Variants in ASAP1 observed in about 807,000 individuals in gnomAD.
ASAP1 encodes the protein arf-GAP with SH3 domain, ANK repeat and PH domain-containing protein 1.
A neutral mutation model predicts 145.2 loss-of-function variants in ASAP1; 43 were observed. The observed-to-expected ratio is 0.30, with a 90% confidence interval of 0.23 to 0.38. The LOEUF (loss-of-function observed/expected upper bound fraction) is 0.38. Ranked by LOEUF, ASAP1 falls within the 10% of genes least tolerant of loss-of-function variation. ASAP1 has a pLI of 1.00. For synonymous variants in ASAP1, 546 were observed against 515.5 expected, an observed-to-expected ratio of 1.06 and a Z score of -0.80; for missense variants, 1,018 against 1,355.3, an observed-to-expected ratio of 0.75 and a Z score of 3.91.
chr8:130,244,297 C>T (rs1469801271), intron 3 of ASAP1, among the ~76,000 whole-genome samples: 1 of 152,130 alleles, frequency 6.6e-6, no homozygotes, highest in African/African-American at 2.4e-5. Context: ...GGCCTGAGTA[C>T]TATGTGAATA....
At chr8:130,309,861 CA>C (rs1485155168) in intron 3 of ASAP1, among the ~76,000 whole-genome samples, 1 of 152,148 alleles carries the variant, frequency 6.6e-6, no homozygotes, top group Non-Finnish European at 1.5e-5. Context: ...ACTGACCAAG[CA>C]AATTTCCTAG....
rs769841701 is a variant in ASAP1 at position 130,118,116 on chromosome 8, A to T, written c.1880+45T>A. The T allele has an allele frequency of 2.0e-6, 3 of 1,528,454 alleles. No individual in the cohort carries two copies. The Admixed American group carries it at 5.1e-5, about 26-fold the overall frequency. 94.7% of individuals were successfully genotyped at this position (1,528,454 alleles called of 1,614,324 possible). ...TGATAGGACTGGTTTGTGTTAATTT[A>T]TAAGGCATATTCAGGTAATTCAACA... On this transcript the variant is annotated intron_variant, in intron 20 of 29. Coordinates refer to ENST00000518721, the MANE Select transcript of ASAP1 (RefSeq NM_018482.4).
At chr8:130,221,145 G>A (rs1817271694) in intron 4 of ASAP1, among the ~76,000 whole-genome samples, 1 of 152,078 alleles carries the variant, frequency 6.6e-6, no homozygotes, top group Non-Finnish European at 1.5e-5. Context: ...GAGGCAGGAG[G>A]CTTGCTGGAG....
intron 15 of ASAP1, among the ~76,000 whole-genome samples, chr8:130,130,199 A>T (rs866827781): frequency 6.6e-6 from 1 of 152,242 alleles, no homozygotes; most frequent in African/African-American, 2.4e-5. Flanking sequence ...AGGGATACTC[A>T]ACCTGTAGAA....
chr8:130,145,413 G>T (rs2097626311), intron 13 of ASAP1, among the ~76,000 whole-genome samples: 1 of 152,088 alleles, frequency 6.6e-6, no homozygotes. Flanking sequence ...TGCCTCCTGG[G>T]TTCAAGCGAT....
At chr8:130,063,332 C>A (rs1025609891) in intron 27 of ASAP1, among the ~76,000 whole-genome samples, 1 of 152,144 alleles carries the variant, frequency 6.6e-6, no homozygotes, top group African/African-American at 2.4e-5. Context: ...TATGTACCAC[C>A]GCACTCAGCT....
At chr8:130,175,446 G>A (rs931748760) in intron 9 of ASAP1, among the ~76,000 whole-genome samples, 4 of 151,986 alleles carry the variant, frequency 2.6e-5, no homozygotes, top group Non-Finnish European at 5.9e-5. Flanking sequence ...GGCTGGTCTC[G>A]AACTCCTGGG....
chr8:130,180,744 T>C lies in ASAP1; in HGVS notation c.660+7A>G, dbSNP rs1814297743. 1 of 1,602,820 alleles carries C rather than the reference T, an allele frequency of 6.2e-7. No individual in the cohort carries two copies. The highest frequency in any genetic ancestry group is 2.2e-5 in the East Asian group (1 of 44,830). Reference sequence around the variant, plus strand: ...TCTAGGCAAATGGTGGAAAAGTCCATTCTTACTTCACACATTTGGAGCTGA... The same window carrying C: ...TCTAGGCAAATGGTGGAAAAGTCCACTCTTACTTCACACATTTGGAGCTGA... On this transcript the variant is annotated splice_region_variant and intron_variant, in intron 8 of 29. Coordinates refer to ENST00000518721, the MANE Select transcript of ASAP1 (RefSeq NM_018482.4).
intron 5 of ASAP1, among the ~76,000 whole-genome samples, chr8:130,207,882 G>T (rs764477033): frequency 6.6e-6 from 1 of 152,122 alleles, no homozygotes; most frequent in East Asian, 1.9e-4. Context: ...ATTAGAGGAA[G>T]AAATTAGAAA....
At chr8:130,087,435 G>C (rs2097496050) in intron 25 of ASAP1, among the ~76,000 whole-genome samples, 1 of 152,100 alleles carries the variant, frequency 6.6e-6, no homozygotes, top group Non-Finnish European at 1.5e-5. Context: ...CAGGAGAATT[G>C]CTTGAACCCA....
intron 1 of ASAP1, among the ~76,000 whole-genome samples, chr8:130,412,545 A>G (rs1016844632): frequency 1.3e-5 from 2 of 152,116 alleles, no homozygotes; most frequent in African/African-American, 2.4e-5. Flanking sequence ...CCATGAGCCA[A>G]TTAAACCTCT....
At chr8:130,243,601 C>A (rs1214325756) in intron 3 of ASAP1, among the ~76,000 whole-genome samples, 2 of 152,194 alleles carry the variant, frequency 1.3e-5, no homozygotes, top group African/African-American at 2.4e-5. Context: ...TATGTTCCAG[C>A]CACACCTACA....
Position 130,213,895 on chromosome 8 carries a change from G to A in ASAP1, c.405+661C>T, listed in dbSNP as rs529955891. Among the ~76,000 whole-genome samples, 12 of 152,234 alleles carry A rather than the reference G, an allele frequency of 7.9e-5. No homozygotes were observed. The South Asian group carries it at 2.5e-3, about 32-fold the overall frequency. On this transcript the variant is annotated intron_variant, in intron 5 of 29. Coordinates refer to ENST00000518721, the MANE Select transcript of ASAP1 (RefSeq NM_018482.4). ...GCACAACATGGGGATGCCCACACACGACTGCCTGGCAAACAGTTTCCTCCA... is the reference window on the plus strand; with the variant it reads ...GCACAACATGGGGATGCCCACACACAACTGCCTGGCAAACAGTTTCCTCCA...
chr8:130,221,158 T>C (rs73427321), intron 4 of ASAP1, among the ~76,000 whole-genome samples: 1,536 of 151,980 alleles, frequency 0.01, 24 homozygotes, highest in African/African-American at 0.036. Flanking sequence ...TGCTGGAGCC[T>C]GGGAAGTTGA....
intron 3 of ASAP1, among the ~76,000 whole-genome samples, chr8:130,282,069 G>GAAAAAA (rs36024310): frequency 7.8e-6 from 1 of 128,024 alleles, no homozygotes; most frequent in African/African-American, 3.0e-5. Context: ...ACTCTGCCTC[G>GAAAAAA]AAAAAAAAAA....
intron 9 of ASAP1, among the ~76,000 whole-genome samples, chr8:130,178,862 C>T (rs1586528145): frequency 6.6e-6 from 1 of 151,506 alleles, no homozygotes; most frequent in African/African-American, 2.4e-5. Context: ...GCACTCCAGC[C>T]AGGCAACAGA....
rs1554855669 is a variant in ASAP1, at chr8:130,242,261, T to TAAACA, written c.187-5268_187-5267insTGTTT. 3.6e-4 allele frequency among the ~76,000 whole-genome samples: 31 copies of TAAACA among 85,340 alleles called. 1 individual carries two copies. Among genetic ancestry groups the TAAACA allele is most frequent in the African/African-American group, 1.5e-3 (30 of 20,676 alleles). 56.0% of individuals were successfully genotyped at this position (85,340 alleles called of 152,430 possible). A position where few individuals can be genotyped will look rare whatever the true frequency, so the allele number is the denominator to read the frequency against. ...TACTCCTATACCAAAGTGATTTCCTTAAAAAAAAAAAAAAAAAAAAAACAA... is the reference window on the plus strand; with the variant it reads ...TACTCCTATACCAAAGTGATTTCCTTAAACAAAAAAAAAAAAAAAAAAAAAAACAA... On this transcript the variant is annotated intron_variant, in intron 3 of 29. Transcript: ENST00000518721.
At chr8:130,228,910 G>C (rs1271155512) in intron 4 of ASAP1, among the ~76,000 whole-genome samples, 1 of 151,958 alleles carries the variant, frequency 6.6e-6, no homozygotes, top group East Asian at 1.9e-4. Context: ...ACACCAGTGA[G>C]AAAAATCAGC....
chr8:130,377,602 C>T (rs1479001339), intron 2 of ASAP1, among the ~76,000 whole-genome samples: 1 of 152,220 alleles, frequency 6.6e-6, no homozygotes, highest in African/African-American at 2.4e-5. Flanking sequence ...GATGGCCTGC[C>T]AGGCCCACTC....
Sources: allele counts gnomAD v4.1 joint callset (sites outside exome capture counted in the v4.1 genomes callset), GRCh38; gene constraint gnomAD v4.1.1; transcripts MANE v1.5; gene names NCBI Gene and HGNC (gene_info 2026-07-23, HGNC 2026-07-21).